PACSIN2: variants seen among roughly 807,000 people sequenced by gnomAD.
PACSIN2 encodes protein kinase C and casein kinase substrate in neurons 2.
PACSIN2 carries 25 observed loss-of-function variants against 63.8 expected under a neutral mutation model. The observed-to-expected ratio is 0.39, with a 90% CI of 0.29 to 0.55. The LOEUF is 0.55. Among genes scored for constraint, PACSIN2 ranks in the 20% least tolerant of loss-of-function variants. The pLI is 0.62. For missense variants in PACSIN2, 518 were observed against 646.9 expected (o/e 0.80, Z 2.16); for synonymous variants, 255 against 256.2 (o/e 1.00, Z 0.05).
At chr22:42,978,252 A>G (rs1921843238) in intron 1 of PACSIN2, among the ~76,000 whole-genome samples, 1 of 152,180 alleles carries the variant, frequency 6.6e-6, no homozygotes. Context: ...CTTTTTTTAA[A>G]ACATGCATTT....
intron 1 of PACSIN2, among the ~76,000 whole-genome samples, chr22:42,912,537 G>A (rs534907383): frequency 6.6e-6 from 1 of 152,324 alleles, no homozygotes; most frequent in African/African-American, 2.4e-5. Context: ...CATTCCACTT[G>A]TGTGAGCACT....
intron 1 of PACSIN2, among the ~76,000 whole-genome samples, chr22:42,994,768 C>T (rs1278172242): frequency 1.3e-5 from 2 of 152,222 alleles, no homozygotes; most frequent in African/African-American, 4.8e-5. Context: ...ACATGCCCCA[C>T]CTACGGGAAT....
At chr22:42,976,838 G>A (rs927339300) in intron 1 of PACSIN2, among the ~76,000 whole-genome samples, 2 of 152,174 alleles carry the variant, frequency 1.3e-5, no homozygotes, top group Admixed American at 6.5e-5. Context: ...CTGAAGCTCA[G>A]GGAGATTAAC....
intron 8 of PACSIN2, 73 bp downstream of exon 8, chr22:42,878,975 C>G: frequency 6.5e-7 from 1 of 1,548,018 alleles, no homozygotes; most frequent in East Asian, 2.3e-5. Context: ...CCGGGGCTGC[C>G]CTGGACCATG....
intron 1 of PACSIN2, among the ~76,000 whole-genome samples, chr22:42,913,520 A>AACCT (rs945628439): frequency 2.6e-5 from 4 of 151,014 alleles, no homozygotes; most frequent in African/African-American, 9.7e-5. Flanking sequence ...ACACTAATGG[A>AACCT]ACCTACAACA....
At chr22:43,000,578 TG>T (rs1923706140) in intron 1 of PACSIN2, among the ~76,000 whole-genome samples, 1 of 152,180 alleles carries the variant, frequency 6.6e-6, no homozygotes, top group Non-Finnish European at 1.5e-5. Flanking sequence ...GAGAAAAGCA[TG>T]GGCCCAAAAT....
intron 1 of PACSIN2, among the ~76,000 whole-genome samples, chr22:42,976,917 TA>T (rs1233051840): frequency 1.3e-5 from 2 of 152,226 alleles, no homozygotes; most frequent in African/African-American, 4.8e-5. Flanking sequence ...ATCCCTGAGC[TA>T]GAAGTTTCTC....
intron 2 of PACSIN2, 74 bp downstream of exon 2, chr22:42,911,947 C>CA (rs1931486837): frequency 3.5e-6 from 4 of 1,147,480 alleles, no homozygotes; most frequent in Non-Finnish European, 2.5e-6. Context: ...CAACCTCCAC[C>CA]AAAAAAACCA....
chr22:42,939,420 T>C (rs1933048557), intron 1 of PACSIN2, among the ~76,000 whole-genome samples: 1 of 152,002 alleles, frequency 6.6e-6, no homozygotes, highest in Non-Finnish European at 1.5e-5. Flanking sequence ...ATTCAAACAG[T>C]AGTGTAAGAA....
chr22:42,981,725 G>T (rs1467986875), intron 1 of PACSIN2, among the ~76,000 whole-genome samples: 2 of 109,666 alleles, frequency 1.8e-5, no homozygotes, highest in East Asian at 6.0e-4. Flanking sequence ...CCCCTACTGG[G>T]AAGTGAGGAG....
intron 1 of PACSIN2, among the ~76,000 whole-genome samples, chr22:42,930,497 C>T (rs186194253): frequency 1.6e-4 from 24 of 152,186 alleles, no homozygotes; most frequent in Admixed American, 2.6e-4. Flanking sequence ...TGGATACCCA[C>T]GTTCACACCA....
At chr22:42,982,888 A>AAACAACAAC (rs1555943703) in intron 1 of PACSIN2, among the ~76,000 whole-genome samples, 5 of 105,220 alleles carry the variant, frequency 4.8e-5, no homozygotes, top group Non-Finnish European at 8.3e-5. Context: ...AAAAAAAAAA[A>AAACAACAAC]AACAACAACA....
Position 42,882,307 on chromosome 22 carries a change from A to G in PACSIN2, c.786-3T>C. On this transcript the variant is annotated splice_region_variant and splice_polypyrimidine_tract_variant and intron_variant, in intron 6 of 10. Coordinates refer to ENST00000263246, the MANE Select transcript of PACSIN2 (RefSeq NM_001184970.3). ...GGTCATGGTAAATGGCTTTGTAGCT[A>G]AATCAGAGAGAAACGTGGCTCTTTT... 6.2e-7 allele frequency: 1 copy of G among 1,606,462 alleles called. No homozygotes were observed. Among genetic ancestry groups the G allele is most frequent in the Non-Finnish European group, 8.5e-7 (1 of 1,175,368 alleles).
intron 1 of PACSIN2, among the ~76,000 whole-genome samples, chr22:42,953,840 A>G (rs1012424201): frequency 6.6e-6 from 1 of 152,238 alleles, no homozygotes. Flanking sequence ...GGCAAGCGTG[A>G]TTGTGTGATT....
chr22:42,971,689 G>A (rs982329243), intron 1 of PACSIN2, among the ~76,000 whole-genome samples: 4 of 151,358 alleles, frequency 2.6e-5, no homozygotes, highest in Non-Finnish European at 4.4e-5. Flanking sequence ...GAGCCCCTCC[G>A]CCGGGCAGCC....
intron 1 of PACSIN2, among the ~76,000 whole-genome samples, chr22:42,986,033 C>T (rs558733931): frequency 7.9e-5 from 12 of 152,324 alleles, no homozygotes; most frequent in African/African-American, 2.4e-4. Context: ...AGGAGGCTCA[C>T]GCTTGACTTT....
intron 1 of PACSIN2, among the ~76,000 whole-genome samples, chr22:42,965,970 G>T (rs1162689777): frequency 6.6e-6 from 1 of 152,094 alleles, no homozygotes; most frequent in Non-Finnish European, 1.5e-5. Flanking sequence ...GTGAAAATGT[G>T]ATAGGTCAAT....
At chr22:42,951,496 A>G (rs1933689875) in intron 1 of PACSIN2, among the ~76,000 whole-genome samples, 1 of 152,138 alleles carries the variant, frequency 6.6e-6, no homozygotes, top group East Asian at 1.9e-4. Context: ...CTGCTGGCTC[A>G]GCATCTCCCC....
chr22:42,901,876 C>T (rs1166975536), intron 2 of PACSIN2, among the ~76,000 whole-genome samples: 4 of 152,202 alleles, frequency 2.6e-5, no homozygotes, highest in Non-Finnish European at 5.9e-5. Flanking sequence ...ACCACCAGGG[C>T]GTCTTCCTTC....
Sources: gnomAD v4.1 joint callset for allele counts (sites outside exome capture counted in the v4.1 genomes callset) on GRCh38, gnomAD v4.1.1 for gene constraint, MANE v1.5 for transcripts, NCBI Gene and HGNC (gene_info 2026-07-23, HGNC 2026-07-21) for gene names.